SEC24D: variants seen among roughly 807,000 people sequenced by gnomAD.
SEC24D encodes the protein SEC24 homolog D, COPII component, also known as protein transport protein Sec24D.
A neutral mutation model predicts 116.9 loss-of-function variants in SEC24D; 69 were observed. The observed-to-expected ratio is 0.59, with a 90% CI of 0.49 to 0.72. The LOEUF (loss-of-function observed/expected upper bound fraction) is 0.72, where lower values mean the gene tolerates loss of function less well. Among genes scored for constraint, SEC24D ranks in the 30% least tolerant of loss-of-function variants. The pLI is 0.00. For missense variants in SEC24D, 1,131 were observed against 1,264.1 expected, an observed-to-expected ratio of 0.89 and a Z score of 1.60; for synonymous variants, 405 against 442.8, an observed-to-expected ratio of 0.91 and a Z score of 1.07.
intron 6 of SEC24D, among the ~76,000 whole-genome samples, chr4:118,813,230 C>T (rs1367396176): frequency 6.6e-6 from 1 of 152,122 alleles, no homozygotes; most frequent in Non-Finnish European, 1.5e-5. Flanking sequence ...AGACTGGAGT[C>T]ACATGGTCAC....
At chr4:118,724,835 C>T (rs1175373085) in intron 22 of SEC24D, among the ~76,000 whole-genome samples, 1 of 152,186 alleles carries the variant, frequency 6.6e-6, no homozygotes, top group African/African-American at 2.4e-5. Context: ...TGCCTCTCCA[C>T]CTGCCTCCTG....
intron 8 of SEC24D, among the ~76,000 whole-genome samples, chr4:118,783,311 C>G (rs1395444576): frequency 6.6e-6 from 1 of 152,210 alleles, no homozygotes; most frequent in Non-Finnish European, 1.5e-5. Context: ...ATTTAACCTA[C>G]AAAACCCATA....
chr4:118,821,974 G>T (rs115915203), intron 3 of SEC24D, among the ~76,000 whole-genome samples: 2 of 152,184 alleles, frequency 1.3e-5, no homozygotes, highest in Non-Finnish European at 2.9e-5. Flanking sequence ...AGTAAAATCT[G>T]TCAGTACTTC....
At chr4:118,766,411 A>G (rs536055689) in intron 9 of SEC24D, 1 of 152,276 alleles carries the variant, frequency 6.6e-6, no homozygotes, top group Non-Finnish European at 1.5e-5. Flanking sequence ...AACCTAAAAG[A>G]AGACAGGTGT....
chr4:118,816,496 G>T (rs148894386), intron 4 of SEC24D, among the ~76,000 whole-genome samples: 32 of 152,208 alleles, frequency 2.1e-4, no homozygotes, highest in African/African-American at 7.2e-4. Context: ...GACAAGAGAA[G>T]GGCCACCAAC....
rs756932511 is a variant in SEC24D, at chr4:118,739,219, G to A, written c.2307C>T (p.Cys769=). 21 of 1,613,320 alleles carry A rather than the reference G, an allele frequency of 1.3e-5. No individual in the cohort carries two copies. The highest frequency in any genetic ancestry group is 1.8e-5 in the Non-Finnish European group (21 of 1,179,458). ...RLRIHNLGLN[C]SSQLADLYKS... is the part of the protein sequence containing the mutation. ...TATAAAGATCAGCTAGCTGAGAGCT[G>A]CAGTTTAAGCCAAGATTGTGAATCC... The change falls in exon 18 of 23, where the codon TGC becomes TGT. Residue 769 remains cysteine (C), a synonymous_variant. Transcript: ENST00000280551.
At chr4:118,806,643 TAAA>T (rs140668239) in intron 6 of SEC24D, among the ~76,000 whole-genome samples, 1 of 145,592 alleles carries the variant, frequency 6.9e-6, no homozygotes, top group African/African-American at 2.5e-5. Context: ...AGCATTTTCT[TAAA>T]AAAAAAAAAA....
chr4:118,778,924 A>T (rs1362748325), intron 8 of SEC24D, among the ~76,000 whole-genome samples: 2 of 152,110 alleles, frequency 1.3e-5, no homozygotes, highest in Non-Finnish European at 2.9e-5. Flanking sequence ...GGTATATAGG[A>T]ATGCTTGTGA....
In SEC24D at chr4:118,832,072, G is replaced by A. The variant is rs188267247; in HGVS notation, c.118+1507C>T. Among the ~76,000 whole-genome samples the A allele has an allele frequency of 2.2e-3, 339 of 152,066 alleles. 1 individual carries two copies. The highest frequency in any genetic ancestry group is 4.6e-3 in the Admixed American group (71 of 15,274). On this transcript the variant is annotated intron_variant, in intron 2 of 22. Coordinates refer to ENST00000280551, the MANE Select transcript of SEC24D (RefSeq NM_014822.4). The stretch of plus-strand genomic sequence containing the variant: ...ACAAAAATTACCCAGGCATGGTGGC[G>A]GGCGCCTGTAATCCCAGCTACTCAG...
rs556591862 is a variant in SEC24D, at chr4:118,725,654, C to G, written c.2959-1999G>C. On this transcript the variant is annotated intron_variant, in intron 22 of 22. Transcript: ENST00000280551. The stretch of plus-strand genomic sequence containing the variant: ...TTTTTGTGTGGTGCTCATTGTACAA[C>G]CTCCTCTGACAAAAGTGTCTCGCTA... Among the ~76,000 whole-genome samples the G allele has an allele frequency of 2.0e-3, 297 of 152,004 alleles. 1 individual carries two copies. Among genetic ancestry groups the G allele is most frequent in the African/African-American group, 6.9e-3 (286 of 41,448 alleles).
intron 8 of SEC24D, among the ~76,000 whole-genome samples, chr4:118,769,082 A>T (rs1290225785): frequency 6.6e-6 from 1 of 152,210 alleles, no homozygotes; most frequent in Non-Finnish European, 1.5e-5. Context: ...CAAAGCACAT[A>T]AACTATTTCT....
In SEC24D at chr4:118,743,970, C is replaced by T. The variant is rs777227184; in HGVS notation, c.1995+18G>A. ...AATGGGAGTAGAAGACCAAGGTGAA[C>T]AAATTGCTGGCATTTACCTGGAAAT... On this transcript the variant is annotated intron_variant, in intron 15 of 22. Transcript: ENST00000280551. 1 of 1,587,020 alleles carries T rather than the reference C, an allele frequency of 6.3e-7. No individual in the cohort carries two copies. Among genetic ancestry groups the T allele is most frequent in the South Asian group, 1.2e-5 (1 of 86,870 alleles).
Position 118,773,094 on chromosome 4 carries a change from T to TA in SEC24D, c.1042-4784dup, listed in dbSNP as rs201090531. On this transcript the variant is annotated intron_variant, in intron 8 of 22. Transcript: ENST00000280551. Reference sequence around the variant, plus strand: ...CTTTCTAACACTTATTCACTAATTTTAAAAAAAAACTTATTTTACATTTTC... The same window carrying TA: ...CTTTCTAACACTTATTCACTAATTTTAAAAAAAAAACTTATTTTACATTTTC... 8.3e-3 allele frequency among the ~76,000 whole-genome samples: 1,259 copies of TA among 151,754 alleles called. 15 individuals carry two copies. The highest frequency in any genetic ancestry group is 0.028 in the African/African-American group (1,179 of 41,392).
rs556192374 is a variant in SEC24D, at chr4:118,824,457, TA to T, written c.248+162del. Among the ~76,000 whole-genome samples the T allele has an allele frequency of 5.2e-4, 79 of 152,356 alleles. 1 individual carries two copies. In the South Asian group the frequency reaches 0.016, roughly 32 times the overall value. On this transcript the variant is annotated intron_variant, in intron 3 of 22. Coordinates refer to ENST00000280551, the MANE Select transcript of SEC24D (RefSeq NM_014822.4). ...CATCATGCCCAGCCATAACTTTTCTTATTGCTTTGTTTCCTAGGGCAGTTAT... is the reference window on the plus strand; with the variant it reads ...CATCATGCCCAGCCATAACTTTTCTTTTGCTTTGTTTCCTAGGGCAGTTAT...
At chr4:118,731,805 C>A (rs944824121) in intron 20 of SEC24D, among the ~76,000 whole-genome samples, 1 of 152,022 alleles carries the variant, frequency 6.6e-6, no homozygotes, top group African/African-American at 2.4e-5. Flanking sequence ...GATAAAGGTG[C>A]GGACAAATTT....
intron 11 of SEC24D, among the ~76,000 whole-genome samples, chr4:118,755,950 C>G (rs1727071916): frequency 6.6e-6 from 1 of 151,948 alleles, no homozygotes; most frequent in African/African-American, 2.4e-5. Context: ...CATCTGTGCT[C>G]CAATGGTACA....
At chr4:118,791,878 C>G (rs1728926809) in intron 8 of SEC24D, among the ~76,000 whole-genome samples, 1 of 152,150 alleles carries the variant, frequency 6.6e-6, no homozygotes, top group South Asian at 2.1e-4. Flanking sequence ...TCGCTACAAC[C>G]TCCACCTCCC....
chr4:118,774,317 A>C (rs1728040972), intron 8 of SEC24D, among the ~76,000 whole-genome samples: 3 of 152,084 alleles, frequency 2.0e-5, no homozygotes, highest in Admixed American at 2.0e-4. Flanking sequence ...GTTTCTTTTC[A>C]TTGAAAAATA....
At chr4:118,768,394 C>CATT in intron 8 of SEC24D, 83 bp from the exon 9 acceptor site, 1 of 581,164 alleles carries the variant, frequency 1.7e-6, no homozygotes, top group Non-Finnish European at 2.7e-6. Context: ...TTTAATGGCA[C>CATT]TTTTTTTTTT....
Sources: allele counts gnomAD v4.1 joint callset (sites outside exome capture counted in the v4.1 genomes callset), GRCh38; gene constraint gnomAD v4.1.1; transcripts MANE v1.5; gene names NCBI Gene and HGNC (gene_info 2026-07-23, HGNC 2026-07-21).